The following ASCC3 variants were observed in gnomAD, a reference collection of about 807,000 sequenced individuals.
ASCC3 encodes the protein ASC-1 complex subunit P200.
Under a neutral mutation model 256.3 loss-of-function variants are expected in ASCC3, and 158 were observed. The observed-to-expected ratio is 0.62, with a 90% confidence interval of 0.54 to 0.70. ASCC3 has a LOEUF of 0.70. ASCC3 is among the 30% of genes least tolerant of loss of function. ASCC3 has a pLI of 0.00. For missense variants in ASCC3, 2,259 were observed against 2,626.0 expected (o/e 0.86, Z 3.05); for synonymous variants, 948 against 883.4 (o/e 1.07, Z -1.30).
chr6:100,571,757 A>T (rs1458823548), intron 36 of ASCC3, among the ~76,000 whole-genome samples: 2 of 152,208 alleles, frequency 1.3e-5, no homozygotes, highest in African/African-American at 4.8e-5. Context: ...ACCCAGGCTC[A>T]TAATAACTAA....
chr6:100,630,625 C>T (rs1055623715), intron 26 of ASCC3, among the ~76,000 whole-genome samples: 1 of 151,346 alleles, frequency 6.6e-6, no homozygotes, highest in African/African-American at 2.4e-5. Context: ...AAATTCGTTT[C>T]TCTGTAATCT....
In ASCC3 at chr6:100,848,542, C is replaced by T. The variant is rs919581054; in HGVS notation, c.407G>A (p.Arg136Gln). ...ATCTTGACTAAAATGAGAAATAATT[C>T]GATTAGTAGCATTACAAGCTGCAGT... is the stretch of plus-strand genomic sequence containing the variant. ...SATAACNATN[R>Q]IISHFSQDDL... Residue 136 changes from arginine to glutamine, a missense_variant, in exon 4 of 42, where the codon CGA becomes CAA. By Grantham distance (43) the Arg-to-Gln change is conservative. Transcript: ENST00000369162. 2 of 1,614,010 alleles carry T rather than the reference C, an allele frequency of 1.2e-6. No individual in the cohort carries two copies. The highest frequency in any genetic ancestry group is 2.2e-5 in the East Asian group (1 of 44,858).
At chr6:100,821,564 G>T (rs1266292864) in intron 4 of ASCC3, among the ~76,000 whole-genome samples, 1 of 152,102 alleles carries the variant, frequency 6.6e-6, no homozygotes, top group Non-Finnish European at 1.5e-5. Flanking sequence ...GGTCATTCAC[G>T]CCTATAATCT....
chr6:100,521,245 G>C (rs1484778118), intron 37 of ASCC3, among the ~76,000 whole-genome samples: 1 of 151,886 alleles, frequency 6.6e-6, no homozygotes, highest in East Asian at 1.9e-4. Flanking sequence ...TGACGTATAA[G>C]AGTAGTGATG....
intron 13 of ASCC3, among the ~76,000 whole-genome samples, chr6:100,693,897 C>A (rs1181340076): frequency 1.3e-5 from 2 of 152,104 alleles, no homozygotes; most frequent in African/African-American, 4.8e-5. Context: ...ATTAAAGCGA[C>A]TGAAGTGGAT....
intron 36 of ASCC3, among the ~76,000 whole-genome samples, chr6:100,586,644 A>C: frequency 6.6e-6 from 1 of 152,192 alleles, no homozygotes; most frequent in South Asian, 2.1e-4. Flanking sequence ...GGTACCTCAG[A>C]TGGAAATGCA....
intron 7 of ASCC3, 134 bp from the exon 8 acceptor site, chr6:100,798,972 A>G (rs1427308985): frequency 1.2e-6 from 1 of 845,010 alleles, no homozygotes; most frequent in Admixed American, 2.9e-5. Flanking sequence ...TAGCTAATTT[A>G]AAAGAAAACA....
chr6:100,587,245 G>A (rs2114766118), intron 36 of ASCC3, among the ~76,000 whole-genome samples: 1 of 151,816 alleles, frequency 6.6e-6, no homozygotes, highest in East Asian at 1.9e-4. Context: ...CATTTTTGGA[G>A]GCAAGAGTAG....
At chr6:100,577,716 G>C (rs1770945296) in intron 36 of ASCC3, among the ~76,000 whole-genome samples, 2 of 151,594 alleles carry the variant, frequency 1.3e-5, no homozygotes, top group Non-Finnish European at 2.9e-5. Context: ...ATTTATCTGT[G>C]TGTGAACACA....
chr6:100,635,747 T>C (rs887251602), intron 25 of ASCC3, among the ~76,000 whole-genome samples: 20 of 152,048 alleles, frequency 1.3e-4, no homozygotes, highest in Non-Finnish European at 2.5e-4. Context: ...GTTAAAAAAT[T>C]ATGCTTCAAG....
chr6:100,779,487 T>C (rs1782347727), intron 8 of ASCC3, among the ~76,000 whole-genome samples: 1 of 152,190 alleles, frequency 6.6e-6, no homozygotes, highest in South Asian at 2.1e-4. Flanking sequence ...CACTCCTCTA[T>C]TGTTATCATG....
intron 35 of ASCC3, 51 bp from the exon 36 acceptor site, chr6:100,589,819 A>G (rs987409657): frequency 6.2e-7 from 1 of 1,608,548 alleles, no homozygotes; most frequent in African/African-American, 1.3e-5. Context: ...ACATATCTTT[A>G]TAAAATTAAT....
chr6:100,662,292 C>G (rs1776263559), intron 15 of ASCC3, 53 bp downstream of exon 15: 6 of 1,562,596 alleles, frequency 3.8e-6, no homozygotes, highest in Non-Finnish European at 5.2e-6. Flanking sequence ...CAACCCAGAG[C>G]CTTGCTTTAA....
chr6:100,611,745 A>G (rs918963702), intron 30 of ASCC3, among the ~76,000 whole-genome samples: 1 of 152,006 alleles, frequency 6.6e-6, no homozygotes, highest in African/African-American at 2.4e-5. Context: ...CCATCTTCTC[A>G]ATTTTTCTAG....
Position 100,718,204 on chromosome 6 carries a change from A to C in ASCC3, c.1950T>G (p.Thr650=), listed in dbSNP as rs755153152. 1.2e-6 allele frequency: 2 copies of C among 1,613,088 alleles called. No homozygotes were observed. Among genetic ancestry groups the C allele is most frequent in the Admixed American group, 3.3e-5 (2 of 59,928 alleles). Residue 650 remains threonine (T), a synonymous_variant, in exon 12 of 42, where the codon ACT becomes ACG. Transcript: ENST00000369162. ...TGGCAACATCGAGGTAGTTAGGTAA[A>C]GTTGCAGACAGTCCGAGAATCCTTA... ...SMIRILGLSA[T]LPNYLDVATF...
At chr6:100,615,138 C>T (rs796931796) in intron 30 of ASCC3, among the ~76,000 whole-genome samples, 32 of 152,178 alleles carry the variant, frequency 2.1e-4, no homozygotes, top group African/African-American at 6.0e-4. Context: ...GCCTCAGCCT[C>T]TCGAGTAGCT....
chr6:100,582,247 C>T (rs1386021371), intron 36 of ASCC3, among the ~76,000 whole-genome samples: 7 of 151,900 alleles, frequency 4.6e-5, no homozygotes, highest in South Asian at 4.2e-4. Flanking sequence ...TTGTTTGTAT[C>T]GTCTTTTATT....
intron 1 of ASCC3, among the ~76,000 whole-genome samples, chr6:100,874,545 T>C (rs559684161): frequency 1.3e-5 from 2 of 149,916 alleles, no homozygotes; most frequent in South Asian, 4.3e-4. Flanking sequence ...TTGAAATGTA[T>C]AAAGGTCAAA....
Position 100,646,668 on chromosome 6 carries a change from T to C in ASCC3, c.3580A>G (p.Thr1194Ala), listed in dbSNP as rs760204693. The change falls in exon 22 of 42, where the codon ACT becomes GCT. Residue 1194 changes from threonine (T) to alanine (A), a missense_variant. Around this residue, in one of 2 missense-constraint regions of ASCC3, gnomAD observed 1,839 missense variants for 2,206.7 expected, o/e 0.83. Coordinates refer to ENST00000369162, the MANE Select transcript of ASCC3 (RefSeq NM_006828.4). ...ATGCTGAGTGTCACTCGGAGGACAGTCCTTGTGATAGGCTGAATGGATGCT... is the reference window on the plus strand; with the variant it reads ...ATGCTGAGTGTCACTCGGAGGACAGCCCTTGTGATAGGCTGAATGGATGCT... ...MEASIQPITR[T>A]VLRVTLSIYA... is the part of the protein sequence containing the mutation. 1.5e-5 allele frequency: 24 copies of C among 1,614,050 alleles called. No individual in the cohort carries two copies. Among genetic ancestry groups the C allele is most frequent in the Non-Finnish European group, 2.0e-5 (24 of 1,179,974 alleles).
Sources: gnomAD v4.1 joint callset for allele counts (sites outside exome capture counted in the v4.1 genomes callset) on GRCh38, gnomAD v4.1.1 for gene constraint, gnomAD v4.1.1 regional missense constraint, MANE v1.5 for transcripts, NCBI Gene and HGNC (gene_info 2026-07-23, HGNC 2026-07-21) for gene names.